KEAP1: variants seen among roughly 807,000 people sequenced by gnomAD.
KEAP1 encodes kelch-like ECH-associated protein 1.
KEAP1 carries 26 observed loss-of-function variants against 59.7 expected under a neutral mutation model. The ratio of observed to expected loss-of-function variants is 0.44; its 90% CI spans 0.32 to 0.60. The LOEUF is 0.60. KEAP1 is among the 20% of genes least tolerant of loss of function. KEAP1 has a pLI of 0.06. For missense variants in KEAP1, 539 were observed against 871.4 expected, an observed-to-expected ratio of 0.62 and a Z score of 4.80; for synonymous variants, 350 against 358.3, an observed-to-expected ratio of 0.98 and a Z score of 0.26.
chr19:10,492,589 A>C, intron 2 of KEAP1: 1 of 288,292 alleles, frequency 3.5e-6, no homozygotes. Flanking sequence ...GTGGTGGCAC[A>C]CGCCTCTAGT....
chr19:10,501,093 G>A (rs957075545), intron 1 of KEAP1, among the ~76,000 whole-genome samples: 2 of 152,150 alleles, frequency 1.3e-5, no homozygotes, highest in African/African-American at 4.8e-5. Context: ...TAGTTTTCCA[G>A]GCAGAGGAAA....
At chr19:10,492,935 C>T (rs1914723291) in intron 2 of KEAP1, among the ~76,000 whole-genome samples, 1 of 151,248 alleles carries the variant, frequency 6.6e-6, no homozygotes, top group Admixed American at 6.6e-5. Context: ...AATTCTCCTG[C>T]CTCAGCCTCT....
chr19:10,500,549 C>T (rs1303740590), intron 1 of KEAP1, among the ~76,000 whole-genome samples: 2 of 152,170 alleles, frequency 1.3e-5, no homozygotes, highest in Non-Finnish European at 2.9e-5. Context: ...TACAAAAATC[C>T]TACCCTGCCA....
chr19:10,489,499 G>C, intron 4 of KEAP1, 131 bp from the exon 5 acceptor site: 1 of 1,254,576 alleles, frequency 8.0e-7, no homozygotes, highest in Middle Eastern at 2.2e-4. Context: ...GGGAGAGAGA[G>C]AAGCTTGGAC....
At chr19:10,493,557 CTT>C (rs756608531) in intron 2 of KEAP1, among the ~76,000 whole-genome samples, 98 of 96,280 alleles carry the variant, frequency 1.0e-3, no homozygotes, top group Non-Finnish European at 1.6e-3. Context: ...GTCTCAAACT[CTT>C]TTTTTTTTTT....
At chr19:10,489,918 G>A (rs1358241277) in intron 3 of KEAP1, 65 bp from the exon 4 acceptor site, 3 of 1,434,398 alleles carry the variant, frequency 2.1e-6, no homozygotes, top group East Asian at 2.4e-5. Context: ...AATACTTAAG[G>A]GCCAGATACT....
intron 2 of KEAP1, among the ~76,000 whole-genome samples, chr19:10,498,079 T>A (rs1350071462): frequency 1.3e-5 from 2 of 151,870 alleles, no homozygotes; most frequent in Non-Finnish European, 2.9e-5. Flanking sequence ...TTTGCATTTT[T>A]AATAGAGACG....
intron 2 of KEAP1, among the ~76,000 whole-genome samples, chr19:10,493,871 T>C (rs1174770886): frequency 1.3e-5 from 2 of 151,880 alleles, no homozygotes; most frequent in African/African-American, 4.8e-5. Context: ...AGTCTTGAAC[T>C]CTTGACCTTA....
intron 2 of KEAP1, among the ~76,000 whole-genome samples, chr19:10,498,381 A>AT (rs1354925344): frequency 6.7e-6 from 1 of 150,216 alleles, no homozygotes; most frequent in Non-Finnish European, 1.5e-5. Context: ...CTTTTTTTGT[A>AT]TTTTTATTAG....
intron 2 of KEAP1, chr19:10,492,479 G>C (rs932163390): frequency 1.7e-5 from 9 of 545,368 alleles, no homozygotes; most frequent in Non-Finnish European, 3.0e-5. Context: ...AGCACTTTGG[G>C]AGGCCGAGGC....
chr19:10,492,823 A>G (rs1914719995), intron 2 of KEAP1: 1 of 150,090 alleles, frequency 6.7e-6, no homozygotes, highest in South Asian at 2.2e-4. Flanking sequence ...CTGGGGTATC[A>G]TTTGGCTTTG....
chr19:10,501,332 A>C (rs1915036923), intron 1 of KEAP1, among the ~76,000 whole-genome samples: 1 of 148,838 alleles, frequency 6.7e-6, no homozygotes. Context: ...CTGCCTCCCG[A>C]GTTCAAGATA....
intron 2 of KEAP1, 23 bp from the exon 3 acceptor site, chr19:10,492,285 G>T (rs775624771): frequency 3.8e-6 from 6 of 1,584,310 alleles, no homozygotes; most frequent in Admixed American, 1.7e-5. Context: ...ACAGTGGGAC[G>T]GGCTGACTCT....
In KEAP1 at chr19:10,486,584, C is replaced by T. The variant is rs1157450786; in HGVS notation, c.*68G>A. On this transcript the variant is annotated 3_prime_UTR_variant, in exon 6 of 6. Transcript: ENST00000171111. The stretch of plus-strand genomic sequence containing the variant: ...TGCAGTGCTGTCTTTTCTTTTAGTC[C>T]CGGTTTTTGTACAAAAACAATGATA... 2 of 1,474,478 alleles carry T rather than the reference C, an allele frequency of 1.4e-6. No homozygotes were observed. The highest frequency in any genetic ancestry group is 1.9e-6 in the Non-Finnish European group (2 of 1,074,274). 91.3% of individuals were successfully genotyped at this position (1,474,478 alleles called of 1,614,324 possible). A position where few individuals can be genotyped will look rare whatever the true frequency, so the allele number is the denominator to read the frequency against.
In KEAP1 at chr19:10,499,763, C is replaced by T. The variant is rs202181679; in HGVS notation, c.271G>A (p.Ala91Thr). 2.1e-4 allele frequency: 336 copies of T among 1,614,074 alleles called. 1 individual carries two copies. Among genetic ancestry groups the T allele is most frequent in the Middle Eastern group, 1.8e-3 (11 of 6,062 alleles). Residue 91 changes from alanine to threonine, a missense_variant, in exon 2 of 6, where the codon GCC (alanine) becomes ACC (threonine). Ala to Thr is a moderately conservative substitution (Grantham distance 58). Around this residue, in one of 4 missense-constraint regions of KEAP1, gnomAD observed 166 missense variants for 295.8 expected, o/e 0.56. Coordinates refer to ENST00000171111, the MANE Select transcript of KEAP1 (RefSeq NM_203500.2). This position sits in a 1 kb window ranked among gnomAD's most constrained non-coding sequence, Gnocchi z 6.7. Reference protein sequence around the residue: ...LQVKYQDAPAAQFMAHKVVLA... With the variant: ...LQVKYQDAPATQFMAHKVVLA... ...ACCACCTTGTGGGCCATGAACTGGG[C>T]GGCCGGTGCATCCTGGTACTTGACC...
At chr19:10,500,565 G>C (rs533411731) in intron 1 of KEAP1, among the ~76,000 whole-genome samples, 2 of 152,178 alleles carry the variant, frequency 1.3e-5, no homozygotes, top group South Asian at 4.1e-4. Context: ...TGCCAGAGCT[G>C]ACAACTGCAG....
At chr19:10,492,927 T>C (rs940830823) in intron 2 of KEAP1, among the ~76,000 whole-genome samples, 5 of 151,032 alleles carry the variant, frequency 3.3e-5, no homozygotes, top group African/African-American at 1.2e-4. Context: ...GTTCAAGCAA[T>C]TCTCCTGCCT....
chr19:10,494,998 G>A (rs1362667950), intron 2 of KEAP1, among the ~76,000 whole-genome samples: 9 of 149,404 alleles, frequency 6.0e-5, no homozygotes, highest in Admixed American at 1.3e-4. Context: ...TCACTCTGTC[G>A]TCAGGCTGGA....
chr19:10,486,426 CT>C lies in KEAP1; in HGVS notation c.*225del. 1 of 522,204 alleles carries C rather than the reference CT, an allele frequency of 1.9e-6. No individual in the cohort carries two copies. Among genetic ancestry groups the C allele is most frequent in the Non-Finnish European group, 3.4e-6 (1 of 293,372 alleles). The allele number at this position is 522,204 out of a possible 1,614,324, so 32.3% of individuals were successfully genotyped here. A position where few individuals can be genotyped will look rare whatever the true frequency, so the allele number is the denominator to read the frequency against. ...TGGAAGCCTGCTCTTTCCACACCCC[CT>C]TTCCCAGCCAGGCTGTCTTGGACAC... On this transcript the variant is annotated 3_prime_UTR_variant, in exon 6 of 6. Transcript: ENST00000171111.
Sources: allele counts gnomAD v4.1 joint callset (sites outside exome capture counted in the v4.1 genomes callset), GRCh38; gene constraint gnomAD v4.1.1; regional missense constraint gnomAD v4.1.1; non-coding constraint Gnocchi (gnomAD v3.1); transcripts MANE v1.5; gene names NCBI Gene and HGNC (gene_info 2026-07-23, HGNC 2026-07-21).